CFAP95: variants seen among roughly 807,000 people sequenced by gnomAD.
CFAP95 encodes cilia- and flagella-associated protein 95.
chr9:69,822,087 G>A, the CFAP95 span, among the ~76,000 whole-genome samples: 1 of 152,142 alleles, frequency 6.6e-6, no homozygotes, highest in Non-Finnish European at 1.5e-5. Context: ...GAAACTTTTA[G>A]GACTTTTCAA....
At chr9:69,902,340 T>C in the CFAP95 span, 1 of 455,028 alleles carries the variant, frequency 2.2e-6, no homozygotes, top group Non-Finnish European at 4.4e-6. Context: ...TTTGGAGAAC[T>C]CTATAATCTC....
chr9:69,889,621 G>T, the CFAP95 span, among the ~76,000 whole-genome samples: 1 of 152,050 alleles, frequency 6.6e-6, no homozygotes, highest in Non-Finnish European at 1.5e-5. Flanking sequence ...TGGGAAGGTG[G>T]ATTTGAGAAA....
At chr9:69,904,445 T>C in the CFAP95 span, among the ~76,000 whole-genome samples, 1 of 152,236 alleles carries the variant, frequency 6.6e-6, no homozygotes, top group African/African-American at 2.4e-5. Flanking sequence ...ATTGATGACA[T>C]GTGAATGATT....
chr9:69,822,984 C>A, the CFAP95 span, among the ~76,000 whole-genome samples: 2 of 152,112 alleles, frequency 1.3e-5, no homozygotes, highest in Non-Finnish European at 2.9e-5. Flanking sequence ...CTAGGAAAAT[C>A]ATAAGTTGTC....
At chr9:69,841,875 A>G in the CFAP95 span, among the ~76,000 whole-genome samples, 2 of 152,140 alleles carry the variant, frequency 1.3e-5, no homozygotes, top group Middle Eastern at 3.2e-3. Flanking sequence ...ACCCGCCCCC[A>G]TGATTCAATT....
the CFAP95 span, chr9:69,857,885 TA>T: frequency 1.2e-6 from 2 of 1,609,404 alleles, no homozygotes; most frequent in East Asian, 4.5e-5. Context: ...ACAAGTTTTC[TA>T]AAAAAATGTT....
the CFAP95 span, among the ~76,000 whole-genome samples, chr9:69,829,618 GC>G: frequency 1.3e-5 from 2 of 152,166 alleles, no homozygotes; most frequent in African/African-American, 4.8e-5. Context: ...TTGTTGTAAT[GC>G]TGCTGTAGTC....
the CFAP95 span, among the ~76,000 whole-genome samples, chr9:69,861,753 A>AC: frequency 6.9e-6 from 1 of 145,446 alleles, no homozygotes. Flanking sequence ...AAAAAAAAAA[A>AC]CACAACATTT....
the CFAP95 span, among the ~76,000 whole-genome samples, chr9:69,895,526 A>G: frequency 1.3e-5 from 2 of 152,100 alleles, no homozygotes; most frequent in Non-Finnish European, 2.9e-5. Flanking sequence ...TTCCCATTGA[A>G]ATAGTAATTT....
the CFAP95 span, among the ~76,000 whole-genome samples, chr9:69,870,545 A>G: frequency 0.86 from 131,394 of 152,208 alleles, 56,837 homozygotes; most frequent in Middle Eastern, 0.93. Flanking sequence ...TGGTTGCTAT[A>G]CCTCCAATCC....
chr9:69,822,394 T>G, the CFAP95 span, among the ~76,000 whole-genome samples: 1 of 152,370 alleles, frequency 6.6e-6, no homozygotes, highest in South Asian at 2.1e-4. Context: ...CTGCTTTTAC[T>G]TCTCAACCCT....
At chr9:69,886,932 T>C in the CFAP95 span, 1 of 1,528,860 alleles carries the variant, frequency 6.5e-7, no homozygotes, top group Non-Finnish European at 9.0e-7. Flanking sequence ...CCTATTTGTG[T>C]ACTTGAAATG....
At chr9:69,895,365 C>CTGTGTG in the CFAP95 span, among the ~76,000 whole-genome samples, 4,933 of 107,532 alleles carry the variant, frequency 0.046, 137 homozygotes, top group Middle Eastern at 0.061. Flanking sequence ...CTCTCTCTCT[C>CTGTGTG]TCTCTGTGTG....
the CFAP95 span, among the ~76,000 whole-genome samples, chr9:69,845,527 G>A: frequency 6.6e-6 from 1 of 152,194 alleles, no homozygotes. Context: ...ATTCCACATT[G>A]GAAATTGTTC....
the CFAP95 span, chr9:69,820,817 G>A: frequency 6.6e-7 from 1 of 1,526,224 alleles, no homozygotes; most frequent in East Asian, 2.4e-5. Flanking sequence ...TGGTACTTAC[G>A]TTCCTGCCGG....
the CFAP95 span, among the ~76,000 whole-genome samples, chr9:69,876,833 C>T: frequency 6.6e-6 from 1 of 152,068 alleles, no homozygotes; most frequent in Non-Finnish European, 1.5e-5. Flanking sequence ...CGGGGTTTCA[C>T]CATGTTGGCC....
At chr9:69,850,088 A>T in the CFAP95 span, among the ~76,000 whole-genome samples, 2 of 152,326 alleles carry the variant, frequency 1.3e-5, no homozygotes, top group African/African-American at 4.8e-5. Context: ...CTGATACTAA[A>T]GTGAGAGCCA....
chr9:69,851,861 A>G, the CFAP95 span, among the ~76,000 whole-genome samples: 1 of 132,402 alleles, frequency 7.6e-6, no homozygotes, highest in African/African-American at 3.1e-5. Flanking sequence ...GTGAGACCCT[A>G]TTTCTAAAAA....
the CFAP95 span, among the ~76,000 whole-genome samples, chr9:69,851,565 C>G: frequency 6.6e-6 from 1 of 152,106 alleles, no homozygotes; most frequent in African/African-American, 2.4e-5. Flanking sequence ...CCCCAGACAA[C>G]TAGAAGAGCC....
Sources: gnomAD v4.1 joint callset for allele counts (sites outside exome capture counted in the v4.1 genomes callset) on GRCh38, gnomAD v4.1.1 for gene constraint, MANE v1.5 for transcripts, NCBI Gene and HGNC (gene_info 2026-07-23, HGNC 2026-07-21) for gene names.